Variants in GPD2 observed in about 807,000 individuals in gnomAD.
The protein encoded by GPD2 is glycerol-3-phosphate dehydrogenase 2, also known as glycerol-3-phosphate dehydrogenase, mitochondrial.
A neutral mutation model predicts 82.4 loss-of-function variants in GPD2; 54 were observed. The ratio of observed to expected loss-of-function variants is 0.66; its 90% CI spans 0.53 to 0.82. The LOEUF is 0.82. GPD2 is among the 40% of genes least tolerant of loss of function. The pLI is 0.00. For synonymous variants in GPD2, 288 were observed against 306.1 expected, an observed-to-expected ratio of 0.94 and a Z score of 0.62; for missense variants, 748 against 896.2, an observed-to-expected ratio of 0.83 and a Z score of 2.11.
chr2:156,451,609 G>A (rs1232045673), intron 1 of GPD2, among the ~76,000 whole-genome samples: 1 of 139,702 alleles, frequency 7.2e-6, no homozygotes, highest in African/African-American at 2.7e-5. Context: ...GGCTGGCCCG[G>A]CAGAGGGGCT....
In GPD2 at chr2:156,510,858, A is replaced by G. The variant is rs778911954; in HGVS notation, c.337A>G (p.Lys113Glu). The G allele has an allele frequency of 6.2e-7, 1 of 1,612,864 alleles. No individual in the cohort carries two copies. Among genetic ancestry groups the G allele is most frequent in the Admixed American group, 1.7e-5 (1 of 60,016 alleles). Residue 113 changes from lysine to glutamate, a missense_variant, in exon 4 of 17, where the codon AAA becomes GAA. Lys to Glu is a moderately conservative substitution (Grantham distance 56). Coordinates refer to ENST00000438166, the MANE Select transcript of GPD2 (RefSeq NM_000408.5). ...FSSGTSSRST[K>E]LIHGGVRYLQ... ...ATCAGGGACCAGCAGCAGAAGCACT[A>G]AATTGATCCATGGTGGTGTGAGATA...
chr2:156,413,851 C>A, the GPD2 span, among the ~76,000 whole-genome samples: 1 of 152,184 alleles, frequency 6.6e-6, no homozygotes, highest in Non-Finnish European at 1.5e-5. Context: ...TTGTGGTGAG[C>A]CAAGATCGTG....
At chr2:156,553,986 A>G (rs1307329078) in intron 8 of GPD2, among the ~76,000 whole-genome samples, 1 of 152,136 alleles carries the variant, frequency 6.6e-6, no homozygotes, top group Non-Finnish European at 1.5e-5. Flanking sequence ...GTGAGCTATA[A>G]CCACTACACA....
At chr2:156,528,094 T>A (rs531366138) in intron 6 of GPD2, among the ~76,000 whole-genome samples, 1 of 152,152 alleles carries the variant, frequency 6.6e-6, no homozygotes, top group African/African-American at 2.4e-5. Context: ...ATAAACTGAC[T>A]ACTCTCATTC....
chr2:156,546,873 A>G (rs948645387), intron 6 of GPD2, among the ~76,000 whole-genome samples: 5 of 151,592 alleles, frequency 3.3e-5, no homozygotes, highest in Non-Finnish European at 7.4e-5. Context: ...TTCTTTAACA[A>G]GAGGAAGTAT....
chr2:156,554,345 C>T (rs1197105399), intron 8 of GPD2, among the ~76,000 whole-genome samples: 1 of 152,170 alleles, frequency 6.6e-6, no homozygotes, highest in Non-Finnish European at 1.5e-5. Context: ...TAAAACCAGG[C>T]ATGTTTCAGT....
chr2:156,426,214 C>T, the GPD2 span, among the ~76,000 whole-genome samples: 8 of 152,306 alleles, frequency 5.3e-5, no homozygotes, highest in African/African-American at 1.7e-4. Context: ...TGAGCCACCA[C>T]GCCCGGCCAA....
chr2:156,576,668 T>C (rs1481576150), intron 13 of GPD2, among the ~76,000 whole-genome samples: 1 of 152,224 alleles, frequency 6.6e-6, no homozygotes, highest in Non-Finnish European at 1.5e-5. Context: ...TTTTGGAATG[T>C]TATAAAGGAA....
At chr2:156,437,436 A>G (rs2105131356) in intron 1 of GPD2, among the ~76,000 whole-genome samples, 1 of 152,310 alleles carries the variant, frequency 6.6e-6, no homozygotes, top group East Asian at 1.9e-4. Flanking sequence ...CCAGTCCTAC[A>G]GTTCTTGCTG....
intron 1 of GPD2, among the ~76,000 whole-genome samples, chr2:156,451,332 G>C (rs1185153203): frequency 5.5e-5 from 8 of 146,638 alleles, no homozygotes; most frequent in South Asian, 4.4e-4. Context: ...GCGGCTGGCC[G>C]GGCGGGGGTG....
intron 1 of GPD2, among the ~76,000 whole-genome samples, chr2:156,457,007 A>G (rs1573887526): frequency 6.6e-6 from 1 of 152,154 alleles, no homozygotes; most frequent in South Asian, 2.1e-4. Context: ...GTATGCTTTC[A>G]TATTTTGAGA....
At chr2:156,491,482 G>C (rs1314057698) in intron 2 of GPD2, among the ~76,000 whole-genome samples, 2 of 152,200 alleles carry the variant, frequency 1.3e-5, no homozygotes, top group Non-Finnish European at 2.9e-5. Flanking sequence ...AAGTTCATTC[G>C]TGTTGCTGTG....
intron 1 of GPD2, among the ~76,000 whole-genome samples, chr2:156,469,478 T>C (rs116612335): frequency 0.014 from 2,135 of 152,338 alleles, 21 homozygotes; most frequent in Non-Finnish European, 0.023. Context: ...TCTCATTCTT[T>C]TTTATGGCTG....
intron 1 of GPD2, among the ~76,000 whole-genome samples, chr2:156,442,238 C>G (rs1367508787): frequency 1.3e-5 from 2 of 152,108 alleles, no homozygotes; most frequent in African/African-American, 4.8e-5. Context: ...AATGAGATAA[C>G]CTCTGAGTAT....
chr2:156,580,123 GCTTA>G (rs899421599), intron 16 of GPD2, among the ~76,000 whole-genome samples: 1 of 152,034 alleles, frequency 6.6e-6, no homozygotes, highest in African/African-American at 2.4e-5. Flanking sequence ...TTTTTCTTTT[GCTTA>G]CTTTTCTTTT....
rs748117623 is a variant in GPD2 at position 156,569,462 on chromosome 2, T to A, written c.1400T>A (p.Leu467His). 6.2e-7 allele frequency: 1 copy of A among 1,612,424 alleles called. No homozygotes were observed. The highest frequency in any genetic ancestry group is 1.1e-5 in the South Asian group (1 of 91,038). ...LKAGPSRTVG[L>H]FLQGGKDWSP... Reference sequence around the variant, plus strand: ...GCAGGACCAAGTAGAACAGTTGGGCTTTTCCTTCAAGGGGGTAAAGATTGG... The same window carrying A: ...GCAGGACCAAGTAGAACAGTTGGGCATTTCCTTCAAGGGGGTAAAGATTGG... Residue 467 changes from leucine to histidine, a missense_variant, in exon 11 of 17, where the codon CTT becomes CAT. Coordinates refer to ENST00000438166, the MANE Select transcript of GPD2 (RefSeq NM_000408.5).
chr2:156,461,276 C>T (rs983295188), intron 1 of GPD2, among the ~76,000 whole-genome samples: 3 of 149,034 alleles, frequency 2.0e-5, no homozygotes, highest in Non-Finnish European at 1.5e-5. Context: ...TCTACTTTTA[C>T]TCTTATTACC....
At chr2:156,543,265 C>A (rs559663728) in intron 6 of GPD2, among the ~76,000 whole-genome samples, 2 of 152,298 alleles carry the variant, frequency 1.3e-5, no homozygotes, top group African/African-American at 4.8e-5. Flanking sequence ...TTCTTAGACT[C>A]TTTAAGCCTT....
intron 9 of GPD2, among the ~76,000 whole-genome samples, chr2:156,560,901 A>G (rs2105350686): frequency 6.6e-6 from 1 of 152,212 alleles, no homozygotes; most frequent in Middle Eastern, 3.4e-3. Context: ...ACTTCCTATT[A>G]TTGAGCACTT....
Sources: gnomAD v4.1 joint callset for allele counts (sites outside exome capture counted in the v4.1 genomes callset) on GRCh38, gnomAD v4.1.1 for gene constraint, MANE v1.5 for transcripts, NCBI Gene and HGNC (gene_info 2026-07-23, HGNC 2026-07-21) for gene names.